The following LMBRD1 variants were observed in gnomAD, a reference collection of about 807,000 sequenced individuals.
The protein encoded by LMBRD1 is LMBR1 domain containing 1.
In LMBRD1, 64 loss-of-function variants were observed where a neutral mutation model predicts 74.8. The ratio of observed to expected loss-of-function variants is 0.86; its 90% CI spans 0.70 to 1.05. The LOEUF (loss-of-function observed/expected upper bound fraction) is 1.05, where lower values mean the gene tolerates loss of function less well. Ranked by LOEUF, LMBRD1 falls within the 50% of genes least tolerant of loss-of-function variation. The pLI, the probability that LMBRD1 is intolerant of heterozygous loss-of-function variation, is 0.00. For missense variants in LMBRD1, 652 were observed against 645.9 expected, an observed-to-expected ratio of 1.01 and a Z score of -0.10; for synonymous variants, 204 against 216.3, an observed-to-expected ratio of 0.94 and a Z score of 0.50.
At chr6:69,756,203 A>T (rs573764715) in intron 3 of LMBRD1, among the ~76,000 whole-genome samples, 15 of 152,228 alleles carry the variant, frequency 9.9e-5, no homozygotes, top group African/African-American at 3.6e-4. Context: ...TCTACTAAAA[A>T]TACAAAAAAA....
chr6:69,743,093 G>A (rs1324409231), intron 5 of LMBRD1, among the ~76,000 whole-genome samples: 1 of 152,048 alleles, frequency 6.6e-6, no homozygotes, highest in Non-Finnish European at 1.5e-5. Context: ...TAACATTTTT[G>A]TATATTACAC....
intron 3 of LMBRD1, 134 bp from the exon 4 acceptor site, chr6:69,752,490 A>T (rs6917429): frequency 5.6e-6 from 4 of 715,670 alleles, no homozygotes; most frequent in Non-Finnish European, 9.4e-6. Flanking sequence ...AACTCTTTCT[A>T]TATAGTACAT....
rs755520635 is a variant in LMBRD1 at position 69,697,593 on chromosome 6, G to A, written c.1387C>T (p.Pro463Ser). The change falls in exon 14 of 16, where the codon CCA becomes TCA. Residue 463 changes from proline (P) to serine (S), a missense_variant. Pro to Ser is a moderately conservative substitution (Grantham distance 74). Coordinates refer to ENST00000649934, the MANE Select transcript of LMBRD1 (RefSeq NM_018368.4). ...GGAGCATCTGCATCACATCTCTTTGGCACAGAAAGGGTTGAATTGCCTTTA... is the reference window on the plus strand; with the variant it reads ...GGAGCATCTGCATCACATCTCTTTGACACAGAAAGGGTTGAATTGCCTTTA... The part of the protein sequence containing the change: ...NHKGNSTLSV[P>S]KRCDADAPED... 3.1e-6 allele frequency: 5 copies of A among 1,606,772 alleles called. No individual in the cohort carries two copies. Among genetic ancestry groups the A allele is most frequent in the Non-Finnish European group, 4.3e-6 (5 of 1,174,194 alleles).
chr6:69,765,784 T>C (rs1765464063), intron 3 of LMBRD1, among the ~76,000 whole-genome samples: 1 of 152,172 alleles, frequency 6.6e-6, no homozygotes, highest in South Asian at 2.1e-4. Context: ...AAATCTTCTT[T>C]AGTTTCTATC....
intron 3 of LMBRD1, among the ~76,000 whole-genome samples, chr6:69,776,881 G>A (rs540102292): frequency 1.3e-5 from 2 of 152,300 alleles, no homozygotes; most frequent in East Asian, 1.9e-4. Flanking sequence ...GTGGGCAGGT[G>A]CAGTGGCTCA....
chr6:69,702,928 C>T (rs1766164965), intron 9 of LMBRD1, among the ~76,000 whole-genome samples: 2 of 151,972 alleles, frequency 1.3e-5, no homozygotes, highest in South Asian at 4.2e-4. Flanking sequence ...AGAAGTAACA[C>T]ATGAAACTAC....
At position 69,744,966 on chromosome 6, in the gene LMBRD1, C is replaced by T. The variant is rs184543279; in HGVS notation, c.474-3089G>A. 1.6e-3 allele frequency among the ~76,000 whole-genome samples: 244 copies of T among 152,140 alleles called. 1 individual carries two copies. The highest frequency in any genetic ancestry group is 2.6e-3 in the Non-Finnish European group (174 of 67,980). ...CAAGCCGTTCTCCTGCCTCAGCCTCCAGAGTAGCTAGGATTACAGGCGCGC... is the reference window on the plus strand; with the variant it reads ...CAAGCCGTTCTCCTGCCTCAGCCTCTAGAGTAGCTAGGATTACAGGCGCGC... On this transcript the variant is annotated intron_variant, in intron 5 of 15. Coordinates refer to ENST00000649934, the MANE Select transcript of LMBRD1 (RefSeq NM_018368.4).
intron 3 of LMBRD1, among the ~76,000 whole-genome samples, chr6:69,776,348 T>C (rs911860836): frequency 1.1e-4 from 16 of 152,222 alleles, no homozygotes; most frequent in African/African-American, 3.4e-4. Context: ...TTTAAGAGTT[T>C]AAACCTTTTT....
chr6:69,708,995 G>A (rs973927291), intron 9 of LMBRD1, among the ~76,000 whole-genome samples: 7 of 152,206 alleles, frequency 4.6e-5, no homozygotes, highest in African/African-American at 1.4e-4. Context: ...AGCACTTTGG[G>A]AGGCTGAGGC....
At chr6:69,795,716 G>A (rs1358571035) in intron 1 of LMBRD1, among the ~76,000 whole-genome samples, 1 of 152,198 alleles carries the variant, frequency 6.6e-6, no homozygotes, top group Non-Finnish European at 1.5e-5. Flanking sequence ...TAAAGGCAGT[G>A]TTTTTATCTG....
At chr6:69,748,840 T>C (rs1332448185) in intron 5 of LMBRD1, among the ~76,000 whole-genome samples, 1 of 152,058 alleles carries the variant, frequency 6.6e-6, no homozygotes, top group Non-Finnish European at 1.5e-5. Context: ...TTTAAAAGAC[T>C]GATAGGGTCA....
chr6:69,772,586 AAACTT>A (rs1273501245), intron 3 of LMBRD1, among the ~76,000 whole-genome samples: 1 of 152,164 alleles, frequency 6.6e-6, no homozygotes, highest in Non-Finnish European at 1.5e-5. Flanking sequence ...TCTCTTGAGC[AAACTT>A]AACAGAAACC....
At chr6:69,751,022 AC>A (rs1765136568) in intron 4 of LMBRD1, among the ~76,000 whole-genome samples, 1 of 152,170 alleles carries the variant, frequency 6.6e-6, no homozygotes. Flanking sequence ...AAAAGATAAG[AC>A]ATTTAGTCTT....
intron 2 of LMBRD1, among the ~76,000 whole-genome samples, chr6:69,782,461 C>T (rs575458301): frequency 7.2e-5 from 11 of 152,254 alleles, no homozygotes; most frequent in South Asian, 4.1e-4. Flanking sequence ...AGGCCAGGTG[C>T]GGTGGCTTAC....
At chr6:69,696,491 C>T (rs1765999719) in intron 14 of LMBRD1, among the ~76,000 whole-genome samples, 1 of 152,160 alleles carries the variant, frequency 6.6e-6, no homozygotes, top group Admixed American at 6.5e-5. Context: ...ACTCATGACT[C>T]TGCCTTCCTC....
At chr6:69,781,967 T>C (rs1390557523) in intron 2 of LMBRD1, among the ~76,000 whole-genome samples, 2 of 152,044 alleles carry the variant, frequency 1.3e-5, no homozygotes, top group Non-Finnish European at 2.9e-5. Context: ...CAAGAAGGAA[T>C]TTCCCAATTA....
At chr6:69,728,484 A>C (rs1470600887) in intron 7 of LMBRD1, among the ~76,000 whole-genome samples, 2 of 152,150 alleles carry the variant, frequency 1.3e-5, no homozygotes, top group Admixed American at 1.3e-4. Context: ...TGTCCCCTCA[A>C]CCACCTCCAA....
chr6:69,691,599 G>C (rs990424729), intron 14 of LMBRD1, among the ~76,000 whole-genome samples: 1 of 151,862 alleles, frequency 6.6e-6, no homozygotes, highest in Non-Finnish European at 1.5e-5. Flanking sequence ...AGCTTGGGCC[G>C]GGCACGTTGG....
chr6:69,676,098 CT>C lies in LMBRD1; in HGVS notation c.*59del, dbSNP rs1332779199. The C allele has an allele frequency of 2.2e-6, 3 of 1,375,362 alleles. No homozygotes were observed. In the African/African-American group the frequency reaches 4.3e-5, roughly 20 times the overall value. The allele number at this position is 1,375,362 out of a possible 1,614,324, so 85.2% of individuals were successfully genotyped here. A position where few individuals can be genotyped will look rare whatever the true frequency, so the allele number is the denominator to read the frequency against. On this transcript the variant is annotated 3_prime_UTR_variant, in exon 16 of 16. Coordinates refer to ENST00000649934, the MANE Select transcript of LMBRD1 (RefSeq NM_018368.4). ...AGCAAATCCTAATGTTAGTTTAATA[CT>C]TTAAAAATGCATAACAGATATTCAG...
Sources: gnomAD v4.1 joint callset for allele counts (sites outside exome capture counted in the v4.1 genomes callset) on GRCh38, gnomAD v4.1.1 for gene constraint, MANE v1.5 for transcripts, NCBI Gene and HGNC (gene_info 2026-07-23, HGNC 2026-07-21) for gene names.